Variants in ADAMTS18 observed in about 807,000 individuals in gnomAD.
The protein encoded by ADAMTS18 is A disintegrin and metalloproteinase with thrombospondin motifs 18.
ADAMTS18 carries 157 observed loss-of-function variants against 165.9 expected under a neutral mutation model. That is an observed-to-expected ratio of 0.95 (90% CI 0.83 to 1.08). The LOEUF (loss-of-function observed/expected upper bound fraction) is 1.08, where lower values mean the gene tolerates loss of function less well. ADAMTS18 is among the 50% of genes least tolerant of loss of function. ADAMTS18 has a pLI of 0.00. For missense variants in ADAMTS18, 2,040 were observed against 1,534.0 expected (o/e 1.33, Z -5.51); for synonymous variants, 782 against 578.2 (o/e 1.35, Z -5.06).
At chr16:77,431,666 C>A in intron 2 of ADAMTS18, 55 bp from the exon 3 acceptor site, 1 of 1,582,954 alleles carries the variant, frequency 6.3e-7, no homozygotes, top group Non-Finnish European at 8.6e-7. Context: ...TCCAAATGGT[C>A]TCTTTCCAGC....
At chr16:77,419,857 G>A (rs1286978779) in intron 3 of ADAMTS18, among the ~76,000 whole-genome samples, 1 of 151,816 alleles carries the variant, frequency 6.6e-6, no homozygotes, top group African/African-American at 2.4e-5. Context: ...AAAATTAGCT[G>A]GGTATGGTAG....
At chr16:77,431,081 C>T (rs1482803854) in intron 3 of ADAMTS18, among the ~76,000 whole-genome samples, 1 of 152,192 alleles carries the variant, frequency 6.6e-6, no homozygotes, top group Non-Finnish European at 1.5e-5. Context: ...CATTAAACAT[C>T]AAAAGATTGT....
At chr16:77,415,588 G>A (rs1018803199) in intron 3 of ADAMTS18, among the ~76,000 whole-genome samples, 3 of 152,080 alleles carry the variant, frequency 2.0e-5, no homozygotes, top group African/African-American at 7.2e-5. Flanking sequence ...AACGATATCT[G>A]ATGTTCTGAC....
At chr16:77,318,850 C>T (rs2055934230) in intron 16 of ADAMTS18, among the ~76,000 whole-genome samples, 1 of 151,986 alleles carries the variant, frequency 6.6e-6, no homozygotes, top group Non-Finnish European at 1.5e-5. Context: ...TAACATGACT[C>T]CTAAGAGTAG....
chr16:77,347,121 T>C (rs546352434), intron 10 of ADAMTS18, among the ~76,000 whole-genome samples: 1 of 152,330 alleles, frequency 6.6e-6, no homozygotes, highest in East Asian at 1.9e-4. Flanking sequence ...GTATCAATAG[T>C]TCATTCTTCT....
intron 4 of ADAMTS18, among the ~76,000 whole-genome samples, chr16:77,365,574 G>C (rs1028369390): frequency 6.6e-6 from 1 of 152,192 alleles, no homozygotes; most frequent in African/African-American, 2.4e-5. Context: ...TGCGCACCAA[G>C]TTAACAGAAT....
At chr16:77,416,103 T>C (rs1259186192) in intron 3 of ADAMTS18, among the ~76,000 whole-genome samples, 1 of 150,916 alleles carries the variant, frequency 6.6e-6, no homozygotes. Flanking sequence ...GAGAAGGGGG[T>C]TGGGGAGTGA....
At chr16:77,397,138 C>T (rs2057268905) in intron 3 of ADAMTS18, among the ~76,000 whole-genome samples, 1 of 152,002 alleles carries the variant, frequency 6.6e-6, no homozygotes, top group African/African-American at 2.4e-5. Context: ...CCCATACTGT[C>T]CCAAATCTAA....
chr16:77,314,378 C>T (rs746557674), intron 16 of ADAMTS18, among the ~76,000 whole-genome samples: 39 of 151,966 alleles, frequency 2.6e-4, no homozygotes, highest in Middle Eastern at 3.4e-3. Flanking sequence ...GAGGCCGAGG[C>T]GGGTGGATTA....
intron 22 of ADAMTS18, among the ~76,000 whole-genome samples, chr16:77,287,652 A>G (rs888941837): frequency 1.3e-5 from 2 of 152,102 alleles, no homozygotes; most frequent in African/African-American, 4.8e-5. Flanking sequence ...TTATATTCTT[A>G]GTAGAGACGG....
At position 77,364,130 on chromosome 16, in the gene ADAMTS18, A is replaced by T. The variant is rs2056756593; in HGVS notation, c.972+58T>A. The T allele has an allele frequency of 3.1e-6, 5 of 1,603,754 alleles. No individual in the cohort carries two copies. In the South Asian group the frequency reaches 4.4e-5, roughly 14 times the overall value. On this transcript the variant is annotated intron_variant, in intron 5 of 22. Transcript: ENST00000282849. ...ACCTGCTATTCAACCCATGCAAGAGAATTCCATGACATTTATTTTCTTTGG... is the reference window on the plus strand; with the variant it reads ...ACCTGCTATTCAACCCATGCAAGAGTATTCCATGACATTTATTTTCTTTGG...
intron 3 of ADAMTS18, among the ~76,000 whole-genome samples, chr16:77,401,853 C>T (rs2057336029): frequency 2.0e-5 from 3 of 152,158 alleles, no homozygotes; most frequent in Admixed American, 1.3e-4. Context: ...TTCTTCTGCC[C>T]TAGGACATCC....
intron 3 of ADAMTS18, among the ~76,000 whole-genome samples, chr16:77,424,000 G>C (rs150767971): frequency 6.6e-6 from 1 of 152,162 alleles, no homozygotes; most frequent in African/African-American, 2.4e-5. Context: ...CAAGCATGGA[G>C]CTTCCACCAA....
intron 3 of ADAMTS18, among the ~76,000 whole-genome samples, chr16:77,420,084 CT>C (rs966491904): frequency 2.0e-5 from 3 of 148,718 alleles, no homozygotes; most frequent in Non-Finnish European, 4.4e-5. Context: ...CCTTCGAAGC[CT>C]TTTTTTCTTC....
At chr16:77,427,475 G>T (rs1156270086) in intron 3 of ADAMTS18, among the ~76,000 whole-genome samples, 1 of 152,190 alleles carries the variant, frequency 6.6e-6, no homozygotes, top group Non-Finnish European at 1.5e-5. Flanking sequence ...TCAGAGGGAG[G>T]CTGGATATAG....
intron 2 of ADAMTS18, among the ~76,000 whole-genome samples, chr16:77,432,694 C>T (rs1386022729): frequency 1.3e-5 from 2 of 151,938 alleles, no homozygotes; most frequent in Non-Finnish European, 2.9e-5. Context: ...CACTTGGGTC[C>T]CCAGTTACTG....
chr16:77,382,981 G>A (rs2057053727), intron 3 of ADAMTS18, among the ~76,000 whole-genome samples: 1 of 152,214 alleles, frequency 6.6e-6, no homozygotes, highest in African/African-American at 2.4e-5. Flanking sequence ...GTGATCCAAT[G>A]TTGTGTTCCC....
chr16:77,295,922 C>T (rs2055461456), intron 18 of ADAMTS18, among the ~76,000 whole-genome samples: 1 of 151,954 alleles, frequency 6.6e-6, no homozygotes, highest in South Asian at 2.1e-4. Context: ...CAGCTCACTG[C>T]AACCTCTGCC....
chr16:77,335,941 A>G (rs771022593), intron 11 of ADAMTS18, 37 bp from the exon 12 acceptor site: 5 of 1,613,834 alleles, frequency 3.1e-6, no homozygotes, highest in Non-Finnish European at 4.2e-6. Flanking sequence ...CCCGTCAGAG[A>G]CCACCTGGGA....
Sources: allele counts gnomAD v4.1 joint callset (sites outside exome capture counted in the v4.1 genomes callset), GRCh38; gene constraint gnomAD v4.1.1; transcripts MANE v1.5; gene names NCBI Gene and HGNC (gene_info 2026-07-23, HGNC 2026-07-21).